The following TRPM3 variants were observed in gnomAD, a reference collection of about 807,000 sequenced individuals.
TRPM3 encodes the protein transient receptor potential cation channel subfamily M member 3.
In TRPM3, 77 loss-of-function variants were observed where a neutral mutation model predicts 181.2. The observed-to-expected ratio is 0.42, with a 90% CI of 0.35 to 0.51. TRPM3 has a LOEUF of 0.51. TRPM3 is among the 20% of genes least tolerant of loss of function. The probability of loss-of-function intolerance (pLI) is 0.01; values close to 1 mark genes in which losing one functional copy is unlikely to be tolerated. For synonymous variants in TRPM3, 745 were observed against 796.4 expected, an observed-to-expected ratio of 0.94 and a Z score of 1.09; for missense variants, 1,759 against 2,196.7, an observed-to-expected ratio of 0.80 and a Z score of 3.98.
At chr9:70,751,421 T>A (rs1587823429) in intron 8 of TRPM3, among the ~76,000 whole-genome samples, 1 of 152,162 alleles carries the variant, frequency 6.6e-6, no homozygotes, top group East Asian at 1.9e-4. Flanking sequence ...CATCTCAAAA[T>A]ACATAAAGCA....
intron 1 of TRPM3, among the ~76,000 whole-genome samples, chr9:71,442,467 G>A (rs1240451853): frequency 3.3e-5 from 5 of 152,086 alleles, no homozygotes; most frequent in Non-Finnish European, 5.9e-5. Context: ...TAAGTGCAAG[G>A]GAAAGGGGGG....
intron 1 of TRPM3, among the ~76,000 whole-genome samples, chr9:71,353,291 T>C (rs1229490328): frequency 6.6e-6 from 1 of 152,164 alleles, no homozygotes; most frequent in East Asian, 1.9e-4. Flanking sequence ...AAAAACGCTG[T>C]GGAGGCAGGA....
chr9:71,254,620 T>G (rs1441495571), intron 1 of TRPM3, among the ~76,000 whole-genome samples: 1 of 152,186 alleles, frequency 6.6e-6, no homozygotes, highest in African/African-American at 2.4e-5. Flanking sequence ...CAATTAAAAA[T>G]TAAATGATTT....
chr9:71,251,848 C>T (rs964879873), intron 1 of TRPM3, among the ~76,000 whole-genome samples: 2 of 152,110 alleles, frequency 1.3e-5, no homozygotes, highest in East Asian at 1.9e-4. Flanking sequence ...CTCCTGCCCC[C>T]ACCCTCCCAC....
At chr9:70,964,325 CTTAAG>C (rs1364455776) in intron 1 of TRPM3, among the ~76,000 whole-genome samples, 1 of 152,016 alleles carries the variant, frequency 6.6e-6, no homozygotes, top group African/African-American at 2.4e-5. Context: ...TGAATGGATA[CTTAAG>C]TTAATGAGTT....
intron 1 of TRPM3, among the ~76,000 whole-genome samples, chr9:71,047,738 A>C (rs897037951): frequency 1.3e-5 from 2 of 152,136 alleles, no homozygotes; most frequent in African/African-American, 4.8e-5. Context: ...AGAAACTACA[A>C]AACTGTAAGT....
At chr9:70,921,942 AACAC>A (rs71367238) in intron 1 of TRPM3, among the ~76,000 whole-genome samples, 8 of 139,500 alleles carry the variant, frequency 5.7e-5, no homozygotes, top group Admixed American at 2.2e-4. Flanking sequence ...CACACAAACA[AACAC>A]ACACACACAC....
intron 1 of TRPM3, among the ~76,000 whole-genome samples, chr9:70,899,242 A>G (rs1022608512): frequency 2.0e-5 from 3 of 152,200 alleles, no homozygotes; most frequent in South Asian, 2.1e-4. Flanking sequence ...ACTTGTCACC[A>G]CAGCTTTGTT....
intron 1 of TRPM3, among the ~76,000 whole-genome samples, chr9:70,886,097 TGCATTTGCATTG>T (rs2096077256): frequency 6.6e-6 from 1 of 152,218 alleles, no homozygotes; most frequent in Non-Finnish European, 1.5e-5. Context: ...TTTAGAAAAC[TGCATTTGCATTG>T]TACATTAAGT....
chr9:70,983,700 T>C (rs1426413256), intron 1 of TRPM3, among the ~76,000 whole-genome samples: 4 of 152,310 alleles, frequency 2.6e-5, no homozygotes, highest in Middle Eastern at 6.8e-3. Context: ...GTAGACAGGA[T>C]AGCTAGAAGT....
intron 8 of TRPM3, among the ~76,000 whole-genome samples, chr9:70,752,401 T>C: frequency 6.6e-6 from 1 of 152,102 alleles, no homozygotes; most frequent in East Asian, 1.9e-4. Context: ...AAAAAATCAG[T>C]TATGGATGGG....
intron 1 of TRPM3, among the ~76,000 whole-genome samples, chr9:71,216,971 G>C (rs1454179288): frequency 1.1e-5 from 1 of 91,536 alleles, no homozygotes; most frequent in Non-Finnish European, 1.9e-5. Flanking sequence ...TTTTTTTTGA[G>C]ACGGAGTCTC....
At chr9:71,013,456 A>C (rs983720793) in intron 1 of TRPM3, among the ~76,000 whole-genome samples, 2 of 151,492 alleles carry the variant, frequency 1.3e-5, no homozygotes, top group Non-Finnish European at 3.0e-5. Context: ...ATACTTTGGA[A>C]GCTTTTGGGT....
rs1209757309 is a variant in TRPM3 at position 70,530,183 on chromosome 9, A to G, written c.*5770T>C. The G allele has an allele frequency of 6.6e-6, 1 of 152,240 alleles. No individual in the cohort carries two copies. The highest frequency in any genetic ancestry group is 1.9e-4 in the East Asian group (1 of 5,196). The allele number at this position is 152,240 out of a possible 1,614,324, so 9.4% of individuals were successfully genotyped here. A position where few individuals can be genotyped will look rare whatever the true frequency, so the allele number is the denominator to read the frequency against. On this transcript the variant is annotated 3_prime_UTR_variant, in exon 26 of 26. Coordinates refer to ENST00000677713, the MANE Select transcript of TRPM3 (RefSeq NM_001366145.2). ...AAGTCTAAATGTTTGCCTTTTTCCA[A>G]GCGGCCGCTGTTTCAGCTTACTGTG...
chr9:70,793,104 G>C (rs2085930089), intron 6 of TRPM3, among the ~76,000 whole-genome samples: 2 of 151,858 alleles, frequency 1.3e-5, no homozygotes, highest in Admixed American at 1.3e-4. Flanking sequence ...ATAAAAATAG[G>C]GTGGGCTATA....
At chr9:71,242,571 A>G (rs1336005306) in intron 1 of TRPM3, among the ~76,000 whole-genome samples, 3 of 152,302 alleles carry the variant, frequency 2.0e-5, no homozygotes, top group South Asian at 2.1e-4. Context: ...TCTATTTACT[A>G]CTATCACTAT....
intron 1 of TRPM3, among the ~76,000 whole-genome samples, chr9:71,378,665 G>T (rs1293877744): frequency 1.3e-5 from 2 of 151,968 alleles, no homozygotes; most frequent in African/African-American, 2.4e-5. Flanking sequence ...ACCGGAGAGT[G>T]TTTCTATGTT....
At chr9:71,409,828 C>G (rs576197650) in intron 1 of TRPM3, among the ~76,000 whole-genome samples, 1 of 152,302 alleles carries the variant, frequency 6.6e-6, no homozygotes, top group African/African-American at 2.4e-5. Flanking sequence ...CCACATTGCA[C>G]TTATTCTAAA....
At chr9:70,927,925 T>A (rs1411606894) in intron 1 of TRPM3, among the ~76,000 whole-genome samples, 1 of 152,238 alleles carries the variant, frequency 6.6e-6, no homozygotes, top group Non-Finnish European at 1.5e-5. Flanking sequence ...AGGCAATCTT[T>A]ATTTTTTATT....
Sources: gnomAD v4.1 joint callset for allele counts (sites outside exome capture counted in the v4.1 genomes callset) on GRCh38, gnomAD v4.1.1 for gene constraint, MANE v1.5 for transcripts, NCBI Gene and HGNC (gene_info 2026-07-23, HGNC 2026-07-21) for gene names.